SEMG1: variants seen among roughly 807,000 people sequenced by gnomAD.
SEMG1 encodes the protein semenogelin-1.
Under a neutral mutation model 8.8 loss-of-function variants are expected in SEMG1, and 6 were observed. The observed-to-expected ratio is 0.68, with a 90% confidence interval of 0.37 to 1.35. The LOEUF (loss-of-function observed/expected upper bound fraction) is 1.35, where lower values mean the gene tolerates loss of function less well. SEMG1 is among the 40% of genes most tolerant of loss of function. SEMG1 has a pLI of 0.02. For synonymous variants in SEMG1, 221 were observed against 190.3 expected (o/e 1.16, Z -1.33); for missense variants, 580 against 533.6 (o/e 1.09, Z -0.86).
Position 45,208,012 on chromosome 20 carries a change from T to G in SEMG1, c.715T>G (p.Cys239Gly). 3 of 1,614,068 alleles carry G rather than the reference T, an allele frequency of 1.9e-6. No individual in the cohort carries two copies. The highest frequency in any genetic ancestry group is 2.5e-6 in the Non-Finnish European group (3 of 1,179,988). ...TTCAAGTAAAGTACAAACCTCACTC[T>G]GTCCTGCGCACCAAGACAAACTCCA... is the stretch of plus-strand genomic sequence containing the variant. ...EHSSKVQTSLCPAHQDKLQHG... is the reference protein window; with the variant it reads ...EHSSKVQTSLGPAHQDKLQHG... Residue 239 changes from cysteine (C) to glycine (G), a missense_variant, in exon 2 of 3, where the codon TGT becomes GGT. Cys to Gly is a radical substitution (Grantham distance 159, BLOSUM62 -3). Transcript: ENST00000372781.
intron 1 of SEMG1, 74 bp from the exon 2 acceptor site, chr20:45,207,300 G>A: frequency 2.1e-6 from 3 of 1,446,794 alleles, no homozygotes; most frequent in East Asian, 2.3e-5. Context: ...TTTGTTGGGG[G>A]AAAAGTGGGG....
chr20:45,208,160 A>G lies in SEMG1; in HGVS notation c.863A>G (p.Tyr288Cys). The G allele has an allele frequency of 6.2e-7, 1 of 1,614,118 alleles. No individual in the cohort carries two copies. The highest frequency in any genetic ancestry group is 8.5e-7 in the Non-Finnish European group (1 of 1,180,006). ...GGCCGAAAGGCAAATAAAATATCATACCAATCTTCAAGTACAGAAGAAAGA... is the reference window on the plus strand; with the variant it reads ...GGCCGAAAGGCAAATAAAATATCATGCCAATCTTCAAGTACAGAAGAAAGA... The part of the protein sequence containing the change: ...QHGRKANKIS[Y>C]QSSSTEERRL... Residue 288 changes from tyrosine (Y) to cysteine (C), a missense_variant, in exon 2 of 3, where the codon TAC becomes TGC. Physicochemically the swap from Tyr to Cys is radical, Grantham distance 194 (BLOSUM62 -2). Coordinates refer to ENST00000372781, the MANE Select transcript of SEMG1 (RefSeq NM_003007.5).
At position 45,208,467 on chromosome 20, in the gene SEMG1, A is replaced by G. The variant is rs1293494629; in HGVS notation, c.1170A>G (p.Ala390=). 2 of 1,613,988 alleles carry G rather than the reference A, an allele frequency of 1.2e-6. No homozygotes were observed. The highest frequency in any genetic ancestry group is 2.2e-5 in the South Asian group (2 of 91,048). Residue 390 remains alanine (A), a synonymous_variant, in exon 2 of 3, where the codon GCA becomes GCG. Coordinates refer to ENST00000372781, the MANE Select transcript of SEMG1 (RefSeq NM_003007.5). The stretch of plus-strand genomic sequence containing the variant: ...TAGCAGGCAAGTCTCAAATCCAGGC[A>G]CCAAATCCTAAGCAAGAGCCATGGC... The part of the protein sequence containing the change: ...KLVAGKSQIQ[A]PNPKQEPWHG...
In SEMG1 at chr20:45,208,189, C is replaced by G. The variant is rs771941333; in HGVS notation, c.892C>G (p.Leu298Val). The G allele has an allele frequency of 6.2e-7, 1 of 1,614,036 alleles. No individual in the cohort carries two copies. The highest frequency in any genetic ancestry group is 1.1e-5 in the South Asian group (1 of 91,068). ...YQSSSTEERRLHYGENGVQKD... is the reference protein window; with the variant it reads ...YQSSSTEERRVHYGENGVQKD... ...ATCTTCAAGTACAGAAGAAAGACGA[C>G]TCCACTATGGAGAAAATGGTGTGCA... Residue 298 changes from leucine (L) to valine (V), a missense_variant, in exon 2 of 3, where the codon CTC becomes GTC. Leu to Val is a conservative substitution (Grantham distance 32, BLOSUM62 1). Transcript: ENST00000372781.
Position 45,207,590 on chromosome 20 carries a change from G to C in SEMG1, c.293G>C (p.Arg98Pro), listed in dbSNP as rs1268698758. Residue 98 changes from arginine to proline, a missense_variant, in exon 2 of 3, where the codon CGA (arginine) becomes CCA (proline). Physicochemically the swap from Arg to Pro is moderately radical, Grantham distance 103. Coordinates refer to ENST00000372781, the MANE Select transcript of SEMG1 (RefSeq NM_003007.5). ...NALHKTTKSQRHLGGSQQLLH... is the reference protein window; with the variant it reads ...NALHKTTKSQPHLGGSQQLLH... ...CTACATAAGACGACAAAATCACAAC[G>C]ACATCTAGGTGGAAGTCAACAACTG... The C allele has an allele frequency of 6.2e-7, 1 of 1,613,302 alleles. No homozygotes were observed. The highest frequency in any genetic ancestry group is 1.7e-5 in the Admixed American group (1 of 59,900).
chr20:45,208,728 A>G lies in SEMG1; in HGVS notation c.*42A>G. 7.0e-7 allele frequency: 1 copy of G among 1,418,748 alleles called. No homozygotes were observed. The highest frequency in any genetic ancestry group is 9.7e-7 in the Non-Finnish European group (1 of 1,036,046). The allele number at this position is 1,418,748 out of a possible 1,614,324, so 87.9% of individuals were successfully genotyped here. A position where few individuals can be genotyped will look rare whatever the true frequency, so the allele number is the denominator to read the frequency against. Reference sequence around the variant, plus strand: ...CCATGTGAAAGGATGGACCAATATCAAGGTAATTTTTTTTTAGCAAATAGG... The same window carrying G: ...CCATGTGAAAGGATGGACCAATATCGAGGTAATTTTTTTTTAGCAAATAGG... On this transcript the variant is annotated splice_region_variant and 3_prime_UTR_variant, in exon 2 of 3. Coordinates refer to ENST00000372781, the MANE Select transcript of SEMG1 (RefSeq NM_003007.5).
rs1983731327 is a variant in SEMG1, at chr20:45,207,715, C to T, written c.418C>T (p.Gln140Ter). The change falls in exon 2 of 3, where the codon CAA (glutamine) becomes TAA (stop). Residue 140 changes from glutamine (Q) to a stop codon, truncating the protein, a stop_gained. Coordinates refer to ENST00000372781, the MANE Select transcript of SEMG1 (RefSeq NM_003007.5). LOFTEE classifies it low-confidence loss of function (END_TRUNC). ...HKGGKAHRGT[Q>*]NPSQDQGNSP... is the part of the protein sequence containing the mutation. ...AGGAGGCAAAGCTCATCGTGGGACA[C>T]AAAATCCTTCTCAAGATCAGGGGAA... is the stretch of plus-strand genomic sequence containing the variant. The T allele has an allele frequency of 6.2e-7, 1 of 1,613,916 alleles. No homozygotes were observed. Among genetic ancestry groups the T allele is most frequent in the Non-Finnish European group, 8.5e-7 (1 of 1,179,902 alleles).
rs1245293019 is a variant in SEMG1, at chr20:45,208,229, A to G, written c.932A>G (p.Gln311Arg). The G allele has an allele frequency of 1.2e-6, 2 of 1,612,586 alleles. No homozygotes were observed. The highest frequency in any genetic ancestry group is 1.3e-5 in the African/African-American group (1 of 74,832). Residue 311 changes from glutamine to arginine, a missense_variant, in exon 2 of 3, where the codon CAA (glutamine) becomes CGA (arginine). By Grantham distance (43) the Gln-to-Arg change is conservative. Coordinates refer to ENST00000372781, the MANE Select transcript of SEMG1 (RefSeq NM_003007.5). Reference protein sequence around the residue: ...GENGVQKDVSQSSIYSQTEEK... With the variant: ...GENGVQKDVSRSSIYSQTEEK... ...AATGGTGTGCAGAAAGATGTATCCC[A>G]AAGCAGTATTTATAGCCAAACTGAA...
Position 45,208,233 on chromosome 20 carries a change from C to T in SEMG1, c.936C>T (p.Ser312=). The change falls in exon 2 of 3, where the codon AGC becomes AGT. Residue 312 remains serine, a synonymous_variant. Transcript: ENST00000372781. ...ENGVQKDVSQ[S]SIYSQTEEKA... ...GTGTGCAGAAAGATGTATCCCAAAG[C>T]AGTATTTATAGCCAAACTGAAGAGA... is the stretch of plus-strand genomic sequence containing the variant. 1.2e-6 allele frequency: 2 copies of T among 1,612,336 alleles called. No homozygotes were observed. Among genetic ancestry groups the T allele is most frequent in the Non-Finnish European group, 1.7e-6 (2 of 1,179,134 alleles).
In SEMG1 at chr20:45,207,808, C is replaced by A; in HGVS notation, c.511C>A (p.Leu171Ile). ...AGAAGAAAGGCTGTGGGTTCATGGACTAAGTAAAGAACAAACTTCCGTCTC... is the reference window on the plus strand; with the variant it reads ...AGAAGAAAGGCTGTGGGTTCATGGAATAAGTAAAGAACAAACTTCCGTCTC... ...NTEERLWVHGLSKEQTSVSGA... is the reference protein window; with the variant it reads ...NTEERLWVHGISKEQTSVSGA... Residue 171 changes from leucine (L) to isoleucine (I), a missense_variant, in exon 2 of 3, where the codon CTA becomes ATA. Transcript: ENST00000372781. 5 of 1,613,996 alleles carry A rather than the reference C, an allele frequency of 3.1e-6. No homozygotes were observed. The highest frequency in any genetic ancestry group is 4.2e-6 in the Non-Finnish European group (5 of 1,179,936).
At chr20:45,207,334 G>A in intron 1 of SEMG1, 40 bp from the exon 2 acceptor site, 2 of 1,513,392 alleles carry the variant, frequency 1.3e-6, no homozygotes, top group Non-Finnish European at 1.8e-6. Flanking sequence ...AGGGAGCTTT[G>A]GAGATAATGA....
intron 2 of SEMG1, among the ~76,000 whole-genome samples, chr20:45,208,976 AT>A (rs1568836264): frequency 6.6e-6 from 1 of 151,344 alleles, no homozygotes; most frequent in African/African-American, 2.4e-5. Context: ...CTTCAATAAT[AT>A]TTTTTTGTAT....
At position 45,207,828 on chromosome 20, in the gene SEMG1, C is replaced by A. The variant is rs369111731; in HGVS notation, c.531C>A (p.Ser177=). ...ATGGACTAAGTAAAGAACAAACTTC[C>A]GTCTCTGGTGCACAAAAAGGTAGAA... ...WVHGLSKEQT[S]VSGAQKGRKQ... Residue 177 remains serine (S), a synonymous_variant, in exon 2 of 3, where the codon TCC becomes TCA. Transcript: ENST00000372781. 7 of 1,613,520 alleles carry A rather than the reference C, an allele frequency of 4.3e-6. No homozygotes were observed. In the African/African-American group the frequency reaches 8.0e-5, roughly 18 times the overall value.
chr20:45,208,062 T>C lies in SEMG1; in HGVS notation c.765T>C (p.Ser255=). The change falls in exon 2 of 3, where the codon TCT becomes TCC. Residue 255 remains serine (S), a synonymous_variant. Coordinates refer to ENST00000372781, the MANE Select transcript of SEMG1 (RefSeq NM_003007.5). ...KLQHGSKDIF[S]TQDELLVYNK... is the part of the protein sequence containing the mutation. Reference sequence around the variant, plus strand: ...AACATGGATCCAAAGACATTTTTTCTACCCAAGATGAGCTCCTAGTATATA... The same window carrying C: ...AACATGGATCCAAAGACATTTTTTCCACCCAAGATGAGCTCCTAGTATATA... 4 of 1,614,088 alleles carry C rather than the reference T, an allele frequency of 2.5e-6. No homozygotes were observed. The highest frequency in any genetic ancestry group is 3.4e-6 in the Non-Finnish European group (4 of 1,179,988).
In SEMG1 at chr20:45,207,680, T is replaced by A. The variant is rs766126691; in HGVS notation, c.383T>A (p.Ile128Lys). 1 of 1,613,954 alleles carries A rather than the reference T, an allele frequency of 6.2e-7. No homozygotes were observed. The highest frequency in any genetic ancestry group is 8.5e-7 in the Non-Finnish European group (1 of 1,179,898). ...AAAGGTCATTTTCACAGGGTAGTTA[T>A]ACACCATAAAGGAGGCAAAGCTCAT... Reference protein sequence around the residue: ...KSKGHFHRVVIHHKGGKAHRG... With the variant: ...KSKGHFHRVVKHHKGGKAHRG... The change falls in exon 2 of 3, where the codon ATA becomes AAA. Residue 128 changes from isoleucine to lysine, a missense_variant. Physicochemically the swap from Ile to Lys is moderately radical, Grantham distance 102. Transcript: ENST00000372781.
At chr20:45,208,848 A>G in intron 2 of SEMG1, 118 bp downstream of exon 2, 1 of 554,324 alleles carries the variant, frequency 1.8e-6, no homozygotes, top group Non-Finnish European at 3.2e-6. Flanking sequence ...AGTGCTGTAT[A>G]ACAAGTGGTA....
intron 2 of SEMG1, among the ~76,000 whole-genome samples, chr20:45,209,040 T>A (rs1313248760): frequency 6.6e-6 from 1 of 152,168 alleles, no homozygotes; most frequent in African/African-American, 2.4e-5. Context: ...ATATGCATAT[T>A]TATAAGTTTA....
rs1220639301 is a variant in SEMG1, at chr20:45,207,580, A to G, written c.283A>G (p.Lys95Glu). 3 of 1,613,770 alleles carry G rather than the reference A, an allele frequency of 1.9e-6. No homozygotes were observed. The South Asian group carries it at 3.3e-5, about 18-fold the overall frequency. ...TTTGAATGCCCTACATAAGACGACA[A>G]AATCACAACGACATCTAGGTGGAAG... ...YDLNALHKTT[K>E]SQRHLGGSQQ... Residue 95 changes from lysine to glutamate, a missense_variant, in exon 2 of 3, where the codon AAA (lysine) becomes GAA (glutamate). By Grantham distance (56) the Lys-to-Glu change is moderately conservative (BLOSUM62 1). Transcript: ENST00000372781.
intron 1 of SEMG1, 94 bp downstream of exon 1, chr20:45,207,223 A>C: frequency 2.6e-6 from 4 of 1,537,240 alleles, no homozygotes; most frequent in Non-Finnish European, 3.6e-6. Context: ...TTAGGCACAG[A>C]TTCTTCTCTT....
Sources: allele counts gnomAD v4.1 joint callset (sites outside exome capture counted in the v4.1 genomes callset), GRCh38; gene constraint gnomAD v4.1.1; transcripts MANE v1.5; gene names NCBI Gene and HGNC (gene_info 2026-07-23, HGNC 2026-07-21).